The following DOCK9 variants were observed in gnomAD, a reference collection of about 807,000 sequenced individuals.
The protein encoded by DOCK9 is dedicator of cytokinesis 9.
In DOCK9, 89 loss-of-function variants were observed where a neutral mutation model predicts 263.3. That is an observed-to-expected ratio of 0.34 (90% CI 0.28 to 0.40). The LOEUF (loss-of-function observed/expected upper bound fraction) is 0.40, where lower values mean the gene tolerates loss of function less well. Among genes scored for constraint, DOCK9 ranks in the 10% least tolerant of loss-of-function variants. The pLI is 1.00. For missense variants in DOCK9, 2,140 were observed against 2,603.4 expected (o/e 0.82, Z 3.87); for synonymous variants, 976 against 973.1 (o/e 1.00, Z -0.06).
chr13:98,979,584 T>A (rs186706394), upstream of DOCK9, among the ~76,000 whole-genome samples: 56 of 152,262 alleles, frequency 3.7e-4, no homozygotes, highest in Middle Eastern at 3.4e-3. Flanking sequence ...TCTCAAAGGA[T>A]CAATGAGTCC....
chr13:99,030,205 A>G (rs973002804), intron 1 of DOCK9, among the ~76,000 whole-genome samples: 8 of 152,244 alleles, frequency 5.3e-5, no homozygotes, highest in Non-Finnish European at 2.9e-5. Context: ...AAATGTGCAA[A>G]TTTACTAAAA....
chr13:99,028,558 G>C (rs928857456), intron 1 of DOCK9, among the ~76,000 whole-genome samples: 1 of 152,202 alleles, frequency 6.6e-6, no homozygotes, highest in Admixed American at 6.5e-5. Flanking sequence ...CTTTTGGAGA[G>C]GGAGGGAGGG....
intron 43 of DOCK9, among the ~76,000 whole-genome samples, chr13:98,828,652 C>A (rs1162048910): frequency 1.3e-5 from 2 of 152,234 alleles, no homozygotes; most frequent in Non-Finnish European, 2.9e-5. Flanking sequence ...GGCACAGACA[C>A]TGAATGAGTT....
rs569450007 is a variant in DOCK9, at chr13:98,863,435, T to C, written c.3400A>G (p.Ile1134Val). 3.7e-6 allele frequency: 6 copies of C among 1,613,952 alleles called. No individual in the cohort carries two copies. The East Asian group carries it at 6.7e-5, about 18-fold the overall frequency. Residue 1134 changes from isoleucine to valine, a missense_variant, in exon 31 of 53, where the codon ATC becomes GTC. Transcript: ENST00000682017. ...AGGTTCTTGAGCACACTGATGGCGA[T>C]CAGACGGACCTCCCGGAACTCCTGG... is the stretch of plus-strand genomic sequence containing the variant. ...ALQEFREVRL[I>V]AISVLKNLLI...
In DOCK9 at chr13:98,882,125, T is replaced by C; in HGVS notation, c.2560-118A>G. The C allele has an allele frequency of 4.8e-6, 4 of 830,740 alleles. No homozygotes were observed. In the Admixed American group the frequency reaches 6.3e-5, roughly 13 times the overall value. 51.5% of individuals were successfully genotyped at this position (830,740 alleles called of 1,614,324 possible). On this transcript the variant is annotated intron_variant, in intron 23 of 52. Transcript: ENST00000682017. ...TCCCTCTAAAACAAAGGGAAGGCTG[T>C]GGTGGGCAGAATGTCCCCAGAGGCG...
chr13:98,890,871 A>G (rs1378210770), intron 15 of DOCK9, among the ~76,000 whole-genome samples: 1 of 152,154 alleles, frequency 6.6e-6, no homozygotes, highest in Non-Finnish European at 1.5e-5. Flanking sequence ...TCTTTCTCTC[A>G]GGGTCCCTCC....
chr13:99,017,316 C>T (rs1885542117), intron 1 of DOCK9, among the ~76,000 whole-genome samples: 1 of 152,146 alleles, frequency 6.6e-6, no homozygotes, highest in Non-Finnish European at 1.5e-5. Flanking sequence ...ACACTAAACA[C>T]ATAAGTTAAA....
intron 1 of DOCK9, among the ~76,000 whole-genome samples, chr13:99,065,161 A>G (rs926691225): frequency 1.3e-5 from 2 of 152,110 alleles, no homozygotes; most frequent in African/African-American, 2.4e-5. Flanking sequence ...TGGAGAGAGG[A>G]AGGAGGATTA....
intron 1 of DOCK9, among the ~76,000 whole-genome samples, chr13:99,050,390 C>T (rs748084415): frequency 6.6e-6 from 1 of 152,156 alleles, no homozygotes; most frequent in Non-Finnish European, 1.5e-5. Context: ...CTAACTTATT[C>T]TCCCATCCAA....
At chr13:99,005,230 ATAAT>A (rs1883119672) in intron 1 of DOCK9, among the ~76,000 whole-genome samples, 1 of 152,244 alleles carries the variant, frequency 6.6e-6, no homozygotes, top group Non-Finnish European at 1.5e-5. Flanking sequence ...ACCTACAAAT[ATAAT>A]TAACTGCTCA....
chr13:98,872,904 G>C (rs183311797), intron 27 of DOCK9, among the ~76,000 whole-genome samples: 2 of 152,160 alleles, frequency 1.3e-5, no homozygotes, highest in African/African-American at 4.8e-5. Flanking sequence ...TTGTACCAAG[G>C]CCACCCGTGC....
intron 2 of DOCK9, among the ~76,000 whole-genome samples, chr13:98,941,864 G>A (rs936216126): frequency 6.6e-6 from 1 of 152,258 alleles, no homozygotes; most frequent in African/African-American, 2.4e-5. Context: ...CCAAGCAATG[G>A]AAGGGCAGTA....
At chr13:98,884,113 T>C (rs1421650338) in intron 21 of DOCK9, among the ~76,000 whole-genome samples, 1 of 152,274 alleles carries the variant, frequency 6.6e-6, no homozygotes, top group Non-Finnish European at 1.5e-5. Flanking sequence ...CTGGATTTTC[T>C]AAGTTATCTT....
Position 98,922,043 on chromosome 13 carries a change from G to T in DOCK9, c.582+8C>A. The stretch of plus-strand genomic sequence containing the variant: ...GAGAGGGGAGGGCAAAGTGATGTGC[G>T]TCCTCACCCTCATGGTCACGCTGAT... On this transcript the variant is annotated splice_region_variant and intron_variant, in intron 6 of 52. Transcript: ENST00000682017. 6.3e-7 allele frequency: 1 copy of T among 1,581,322 alleles called. No individual in the cohort carries two copies.
chr13:98,943,293 T>G (rs1270041892), intron 2 of DOCK9, among the ~76,000 whole-genome samples: 2 of 152,228 alleles, frequency 1.3e-5, no homozygotes, highest in African/African-American at 4.8e-5. Context: ...ATCTGTCCTC[T>G]TTGGATCTCA....
chr13:98,884,856 C>G, intron 21 of DOCK9, 115 bp downstream of exon 21: 1 of 1,262,988 alleles, frequency 7.9e-7, no homozygotes, highest in Non-Finnish European at 1.1e-6. Context: ...TAACTAATAT[C>G]AAAATGGTGG....
Position 98,855,837 on chromosome 13 carries a change from T to C in DOCK9, c.3831+61A>G, listed in dbSNP as rs1039388351. ...AAAAGGCACTAGAACATGAAGTACG[T>C]TTACTTTGGGCTAAATCCATTGATT... is the stretch of plus-strand genomic sequence containing the variant. On this transcript the variant is annotated intron_variant, in intron 34 of 52. Coordinates refer to ENST00000682017, the MANE Select transcript of DOCK9 (RefSeq NM_001366683.2). The C allele has an allele frequency of 6.3e-6, 10 of 1,595,344 alleles. No individual in the cohort carries two copies. The African/African-American group carries it at 1.3e-4, about 21-fold the overall frequency.
chr13:99,071,902 G>A (rs1043533747), intron 1 of DOCK9, among the ~76,000 whole-genome samples: 6 of 152,086 alleles, frequency 3.9e-5, no homozygotes, highest in Non-Finnish European at 5.9e-5. Flanking sequence ...CTTCTTCTAC[G>A]TCTTCTTCCT....
chr13:99,038,964 T>C (rs1233866843), intron 1 of DOCK9, among the ~76,000 whole-genome samples: 1 of 152,212 alleles, frequency 6.6e-6, no homozygotes, highest in East Asian at 1.9e-4. Flanking sequence ...TTCCACATCA[T>C]CTTCTGATTA....
Sources: gnomAD v4.1 joint callset for allele counts (sites outside exome capture counted in the v4.1 genomes callset) on GRCh38, gnomAD v4.1.1 for gene constraint, MANE v1.5 for transcripts, NCBI Gene and HGNC (gene_info 2026-07-23, HGNC 2026-07-21) for gene names.